SPTLC1: variants seen among roughly 807,000 people sequenced by gnomAD.
SPTLC1 encodes serine palmitoyltransferase 1.
A neutral mutation model predicts 68.9 loss-of-function variants in SPTLC1; 55 were observed. The ratio of observed to expected loss-of-function variants is 0.80; its 90% CI spans 0.64 to 1.00. The LOEUF (loss-of-function observed/expected upper bound fraction) is 1.00, where lower values mean the gene tolerates loss of function less well. Ranked by LOEUF, SPTLC1 falls within the 50% of genes least tolerant of loss-of-function variation. The probability of loss-of-function intolerance (pLI) is 0.00; values close to 1 mark genes in which losing one functional copy is unlikely to be tolerated. For missense variants in SPTLC1, 449 were observed against 573.1 expected (o/e 0.78, Z 2.21); for synonymous variants, 197 against 201.6 (o/e 0.98, Z 0.19).
chr9:92,034,532 T>C (rs1384596809), intron 14 of SPTLC1, among the ~76,000 whole-genome samples: 2 of 152,148 alleles, frequency 1.3e-5, no homozygotes, highest in Non-Finnish European at 2.9e-5. Context: ...GTGGCAGATA[T>C]GAGCTGATGG....
chr9:92,048,013 A>T (rs1385069961), intron 9 of SPTLC1, among the ~76,000 whole-genome samples: 2 of 152,242 alleles, frequency 1.3e-5, no homozygotes, highest in African/African-American at 4.8e-5. Context: ...TCGATATTAA[A>T]AGTAGTCACA....
intron 3 of SPTLC1, among the ~76,000 whole-genome samples, chr9:92,084,135 T>C (rs1245337332): frequency 6.6e-6 from 1 of 151,464 alleles, no homozygotes; most frequent in Non-Finnish European, 1.5e-5. Flanking sequence ...CTTAAGGAGA[T>C]TTTGGGCTGA....
Position 92,034,842 on chromosome 9 carries a change from C to T in SPTLC1, c.1296G>A (p.Leu432=), listed in dbSNP as rs149414775. 1 of 1,613,994 alleles carries T rather than the reference C, an allele frequency of 6.2e-7. No individual in the cohort carries two copies. The highest frequency in any genetic ancestry group is 1.3e-5 in the African/African-American group (1 of 74,906). ...RSIALTQARY[L]EKEEKCLPPP... is the part of the protein sequence containing the mutation. ...GAGGGAGACACTTCTCTTCTTTCTC[C>T]AAGTAGCGCGCCTGAGTTAATGCAA... Residue 432 remains leucine (L), a synonymous_variant, in exon 14 of 15, where the codon TTG becomes TTA. Coordinates refer to ENST00000262554, the MANE Select transcript of SPTLC1 (RefSeq NM_006415.4).
In SPTLC1 at chr9:92,080,972, G is replaced by A. The variant is rs972205246; in HGVS notation, c.261-9C>T. ...TTTTGTGGCTTGGAGGGCTAGGGAA[G>A]AGATAGAGTGGTACATGTCAATTAC... On this transcript the variant is annotated splice_polypyrimidine_tract_variant and intron_variant, in intron 3 of 14. Coordinates refer to ENST00000262554, the MANE Select transcript of SPTLC1 (RefSeq NM_006415.4). 2 of 1,601,520 alleles carry A rather than the reference G, an allele frequency of 1.2e-6. No homozygotes were observed. Among genetic ancestry groups the A allele is most frequent in the Non-Finnish European group, 1.7e-6 (2 of 1,168,736 alleles).
chr9:92,096,140 C>T (rs931103911), intron 3 of SPTLC1, among the ~76,000 whole-genome samples: 1 of 152,128 alleles, frequency 6.6e-6, no homozygotes, highest in Non-Finnish European at 1.5e-5. Flanking sequence ...TTTTTACCTG[C>T]AAAGTAATAG....
At chr9:92,097,286 T>C (rs1206726243) in intron 3 of SPTLC1, among the ~76,000 whole-genome samples, 3 of 152,226 alleles carry the variant, frequency 2.0e-5, no homozygotes, top group Non-Finnish European at 2.9e-5. Context: ...CACAGAGTTA[T>C]CACATGACAC....
At chr9:92,035,884 G>C (rs962802809) in intron 13 of SPTLC1, among the ~76,000 whole-genome samples, 10 of 152,180 alleles carry the variant, frequency 6.6e-5, no homozygotes, top group African/African-American at 2.4e-4. Flanking sequence ...CAAACATCTG[G>C]ACTGGCTCTG....
intron 9 of SPTLC1, among the ~76,000 whole-genome samples, chr9:92,049,074 C>T (rs1833615137): frequency 6.6e-6 from 1 of 152,194 alleles, no homozygotes; most frequent in Non-Finnish European, 1.5e-5. Context: ...ATTCCATTTA[C>T]CTCCTCGGTG....
intron 3 of SPTLC1, among the ~76,000 whole-genome samples, chr9:92,100,752 T>G (rs1029543016): frequency 2.0e-5 from 3 of 150,588 alleles, no homozygotes; most frequent in Non-Finnish European, 2.9e-5. Flanking sequence ...CCCCCAGTCC[T>G]GAGCAGAAAA....
intron 3 of SPTLC1, among the ~76,000 whole-genome samples, chr9:92,101,561 C>CAAAAAAAAAAAAAA (rs61125464): frequency 4.4e-5 from 2 of 45,942 alleles, no homozygotes; most frequent in Non-Finnish European, 8.1e-5. Flanking sequence ...GACTCCGTCT[C>CAAAAAAAAAAAAAA]AAAAAAAAAA....
intron 5 of SPTLC1, 137 bp from the exon 6 acceptor site, chr9:92,068,235 A>G (rs913205898): frequency 1.2e-6 from 1 of 812,854 alleles, no homozygotes; most frequent in Non-Finnish European, 1.9e-6. Flanking sequence ...TTTTTAAATG[A>G]TAGATTATAC....
rs1472920342 is a variant in SPTLC1 at position 92,032,274 on chromosome 9, G to A, written c.*191C>T. On this transcript the variant is annotated 3_prime_UTR_variant, in exon 15 of 15. Transcript: ENST00000262554. ...AAAATCAGTTCCTGGGCTTTTAGATGTGTTTTCTTTTTAAAAAAAATAAGC... is the reference window on the plus strand; with the variant it reads ...AAAATCAGTTCCTGGGCTTTTAGATATGTTTTCTTTTTAAAAAAAATAAGC... The A allele has an allele frequency of 1.3e-6, 2 of 1,531,944 alleles. No homozygotes were observed. Among genetic ancestry groups the A allele is most frequent in the Non-Finnish European group, 1.7e-6 (2 of 1,144,888 alleles). The allele number at this position is 1,531,944 out of a possible 1,614,324, so 94.9% of individuals were successfully genotyped here.
At position 92,055,387 on chromosome 9, in the gene SPTLC1, C is replaced by T. The variant is rs759047463; in HGVS notation, c.780+18G>A. ...AATAGTCCAAATATTAAAATTACAG[C>T]TGAACATGGTTGCTTACCAATTCTG... On this transcript the variant is annotated intron_variant, in intron 8 of 14. Coordinates refer to ENST00000262554, the MANE Select transcript of SPTLC1 (RefSeq NM_006415.4). 1.2e-6 allele frequency: 2 copies of T among 1,612,634 alleles called. No individual in the cohort carries two copies. Among genetic ancestry groups the T allele is most frequent in the South Asian group, 2.2e-5 (2 of 91,082 alleles).
At chr9:92,097,113 A>G (rs1287124848) in intron 3 of SPTLC1, among the ~76,000 whole-genome samples, 3 of 152,260 alleles carry the variant, frequency 2.0e-5, no homozygotes, top group African/African-American at 7.2e-5. Flanking sequence ...AATTAAAACC[A>G]TAAGATCCCA....
At chr9:92,039,210 A>G (rs981027604) in intron 12 of SPTLC1, among the ~76,000 whole-genome samples, 1 of 152,360 alleles carries the variant, frequency 6.6e-6, no homozygotes, top group African/African-American at 2.4e-5. Context: ...ATGTTTAGAT[A>G]GAAAAACGTC....
At chr9:92,036,828 C>G (rs541270908) in intron 13 of SPTLC1, among the ~76,000 whole-genome samples, 5 of 152,154 alleles carry the variant, frequency 3.3e-5, no homozygotes, top group Non-Finnish European at 7.3e-5. Flanking sequence ...ATTTAAGGAA[C>G]GTTACAATAC....
intron 3 of SPTLC1, among the ~76,000 whole-genome samples, chr9:92,083,556 T>C (rs1048926091): frequency 3.5e-4 from 53 of 152,328 alleles, no homozygotes; most frequent in African/African-American, 1.2e-3. Context: ...GTTGTAGATA[T>C]GTGGCGTTAT....
chr9:92,076,015 C>A (rs1289418603), intron 5 of SPTLC1, among the ~76,000 whole-genome samples: 1 of 152,166 alleles, frequency 6.6e-6, no homozygotes, highest in African/African-American at 2.4e-5. Context: ...CTGGATAGGC[C>A]ATTGTGTCTC....
At chr9:92,093,482 C>T (rs1169694664) in intron 3 of SPTLC1, among the ~76,000 whole-genome samples, 1 of 152,142 alleles carries the variant, frequency 6.6e-6, no homozygotes, top group Admixed American at 6.5e-5. Flanking sequence ...CACACACACA[C>T]ACGTCTGAGA....
Sources: gnomAD v4.1 joint callset for allele counts (sites outside exome capture counted in the v4.1 genomes callset) on GRCh38, gnomAD v4.1.1 for gene constraint, MANE v1.5 for transcripts, NCBI Gene and HGNC (gene_info 2026-07-23, HGNC 2026-07-21) for gene names.